The following ERBB4 variants were observed in gnomAD, a reference collection of about 807,000 sequenced individuals.
The protein encoded by ERBB4 is erb-b2 receptor tyrosine kinase 4.
A neutral mutation model predicts 158.0 loss-of-function variants in ERBB4; 42 were observed. The observed-to-expected ratio is 0.27, with a 90% confidence interval of 0.21 to 0.34. ERBB4 has a LOEUF of 0.34. Among genes scored for constraint, ERBB4 ranks in the 10% least tolerant of loss-of-function variants. ERBB4 has a pLI of 1.00. For synonymous variants in ERBB4, 583 were observed against 558.7 expected (o/e 1.04, Z -0.61); for missense variants, 1,333 against 1,624.1 (o/e 0.82, Z 3.08).
At position 212,446,051 on chromosome 2, in the gene ERBB4, A is replaced by C. The variant is rs547497234; in HGVS notation, c.82+92398T>G. Among the ~76,000 whole-genome samples the C allele has an allele frequency of 8.5e-5, 13 of 152,282 alleles. 1 individual carries two copies. Among genetic ancestry groups the C allele is most frequent in the African/African-American group, 2.6e-4 (11 of 41,554 alleles). ...TTAAGTATTGTTAACTTTATGTAAT[A>C]GTATTTGAGTTGGGGATTGGTGCTT... On this transcript the variant is annotated intron_variant, in intron 1 of 27. Transcript: ENST00000342788.
chr2:211,402,228 T>C (rs955338135), intron 25 of ERBB4, among the ~76,000 whole-genome samples: 6 of 152,000 alleles, frequency 3.9e-5, no homozygotes, highest in Non-Finnish European at 8.8e-5. Context: ...GCTCCTTAAG[T>C]AGATAACCAA....
At chr2:212,524,590 A>C (rs1312904148) in intron 1 of ERBB4, among the ~76,000 whole-genome samples, 3 of 152,020 alleles carry the variant, frequency 2.0e-5, no homozygotes, top group African/African-American at 7.2e-5. Flanking sequence ...ATACTAAATT[A>C]CATGGGTGAT....
intron 2 of ERBB4, among the ~76,000 whole-genome samples, chr2:211,953,685 G>C (rs1444540014): frequency 6.6e-6 from 1 of 151,908 alleles, no homozygotes; most frequent in Non-Finnish European, 1.5e-5. Flanking sequence ...TTCTACAGTT[G>C]CTTTGTTCAA....
At chr2:211,998,177 G>A (rs1255827086) in intron 2 of ERBB4, among the ~76,000 whole-genome samples, 1 of 151,446 alleles carries the variant, frequency 6.6e-6, no homozygotes, top group Non-Finnish European at 1.5e-5. Context: ...AAAACTTAAA[G>A]TATAATAATA....
chr2:211,861,525 CA>C (rs2078055498), intron 3 of ERBB4, among the ~76,000 whole-genome samples: 1 of 151,250 alleles, frequency 6.6e-6, no homozygotes, highest in African/African-American at 2.4e-5. Context: ...TGATGGAACC[CA>C]AACACAATTT....
chr2:212,206,888 T>C (rs571253952), intron 1 of ERBB4, among the ~76,000 whole-genome samples: 138 of 151,912 alleles, frequency 9.1e-4, no homozygotes, highest in Non-Finnish European at 1.5e-4. Flanking sequence ...GCGCCCGGCC[T>C]AGTCTGTTCT....
At chr2:212,286,594 C>CTTGTTTTTTTTTTTTTTTTG (rs760466245) in intron 1 of ERBB4, among the ~76,000 whole-genome samples, 9 of 55,516 alleles carry the variant, frequency 1.6e-4, no homozygotes, top group East Asian at 1.3e-3. Flanking sequence ...TAAGTGCTGA[C>CTTGTTTTTTTTTTTTTTTTG]TTTTTTTTTT....
intron 3 of ERBB4, among the ~76,000 whole-genome samples, chr2:211,841,774 T>G (rs1575229411): frequency 6.6e-6 from 1 of 152,066 alleles, no homozygotes; most frequent in South Asian, 2.1e-4. Context: ...ACATATGATT[T>G]TAAAGCAGAA....
intron 20 of ERBB4, among the ~76,000 whole-genome samples, chr2:211,510,994 T>G (rs958843321): frequency 6.6e-6 from 1 of 151,718 alleles, no homozygotes; most frequent in African/African-American, 2.4e-5. Context: ...CAAGAGATTA[T>G]GAAAAAAATG....
At chr2:212,308,494 G>C (rs1224069000) in intron 1 of ERBB4, among the ~76,000 whole-genome samples, 1 of 150,894 alleles carries the variant, frequency 6.6e-6, no homozygotes. Flanking sequence ...TTCTTTAAAA[G>C]GTTCTGAAGA....
intron 1 of ERBB4, among the ~76,000 whole-genome samples, chr2:212,247,533 T>C (rs989262868): frequency 1.3e-5 from 2 of 152,208 alleles, no homozygotes; most frequent in African/African-American, 4.8e-5. Context: ...ATTATTAGAA[T>C]TGGTTGAAAA....
rs148179552 is a variant in ERBB4 at position 212,085,499 on chromosome 2, G to A, written c.234+39253C>T. ...TGCTTAACCCTGATCATTTCAGCTTGGTATTAGTATCTGGAGCCTGACACC... is the reference window on the plus strand; with the variant it reads ...TGCTTAACCCTGATCATTTCAGCTTAGTATTAGTATCTGGAGCCTGACACC... On this transcript the variant is annotated intron_variant, in intron 2 of 27. Coordinates refer to ENST00000342788, the MANE Select transcript of ERBB4 (RefSeq NM_005235.3). Among the ~76,000 whole-genome samples the A allele has an allele frequency of 3.0e-4, 45 of 151,928 alleles. 1 individual carries two copies. The South Asian group carries it at 8.5e-3, about 29-fold the overall frequency.
intron 4 of ERBB4, 33 bp from the exon 5 acceptor site, chr2:211,750,737 A>G (rs377439703): frequency 6.3e-7 from 1 of 1,584,134 alleles, no homozygotes; most frequent in Non-Finnish European, 8.7e-7. Context: ...AAGGACATGC[A>G]CGTTATAATC....
intron 20 of ERBB4, among the ~76,000 whole-genome samples, chr2:211,452,409 C>G (rs983554532): frequency 2.0e-5 from 3 of 152,130 alleles, no homozygotes; most frequent in African/African-American, 7.2e-5. Flanking sequence ...AACTCCTGAC[C>G]TTGTGATCCA....
At chr2:211,777,502 C>A (rs62183033) in intron 4 of ERBB4, 2 of 151,972 alleles carry the variant, frequency 1.3e-5, no homozygotes, top group African/African-American at 4.8e-5. Context: ...CATCACAACC[C>A]TGTCACTATC....
intron 20 of ERBB4, among the ~76,000 whole-genome samples, chr2:211,483,454 C>T (rs1218372788): frequency 6.6e-6 from 1 of 152,058 alleles, no homozygotes; most frequent in Non-Finnish European, 1.5e-5. Context: ...AATCATAAAA[C>T]AGCCGGAGGA....
At chr2:212,419,517 A>G (rs2091742489) in intron 1 of ERBB4, among the ~76,000 whole-genome samples, 1 of 151,832 alleles carries the variant, frequency 6.6e-6, no homozygotes, top group South Asian at 2.1e-4. Context: ...TTAAGATACT[A>G]TGTATGTGTG....
chr2:211,650,151 A>C (rs1371412026), intron 16 of ERBB4, among the ~76,000 whole-genome samples: 1 of 152,010 alleles, frequency 6.6e-6, no homozygotes, highest in Non-Finnish European at 1.5e-5. Context: ...CTTACTTAGG[A>C]TCTAATACAA....
intron 3 of ERBB4, among the ~76,000 whole-genome samples, chr2:211,911,886 A>C (rs2079549439): frequency 6.6e-6 from 1 of 151,104 alleles, no homozygotes; most frequent in Non-Finnish European, 1.5e-5. Context: ...AATATTTTAC[A>C]TTTCAAATTG....
Sources: allele counts gnomAD v4.1 joint callset (sites outside exome capture counted in the v4.1 genomes callset), GRCh38; gene constraint gnomAD v4.1.1; transcripts MANE v1.5; gene names NCBI Gene and HGNC (gene_info 2026-07-23, HGNC 2026-07-21).